The following RNF115 variants were observed in gnomAD, a reference collection of about 807,000 sequenced individuals.
RNF115 encodes the protein E3 ubiquitin-protein ligase RNF115.
Under a neutral mutation model 39.2 loss-of-function variants are expected in RNF115, and 31 were observed. That is an observed-to-expected ratio of 0.79 (90% confidence interval 0.59 to 1.07). RNF115 has a LOEUF of 1.07. Ranked by LOEUF, RNF115 falls within the 50% of genes least tolerant of loss-of-function variation. The pLI is 0.00. For synonymous variants in RNF115, 124 were observed against 131.0 expected (o/e 0.95, Z 0.37); for missense variants, 384 against 381.7 (o/e 1.01, Z -0.05).
intron 2 of RNF115, among the ~76,000 whole-genome samples, chr1:145,784,808 C>A (rs1320577924): frequency 6.6e-6 from 1 of 152,052 alleles, no homozygotes; most frequent in Non-Finnish European, 1.5e-5. Context: ...GTTTTCAAGG[C>A]TAAATCCAGT....
intron 4 of RNF115, among the ~76,000 whole-genome samples, chr1:145,760,755 G>A (rs1331677741): frequency 6.6e-6 from 1 of 152,098 alleles, no homozygotes; most frequent in Non-Finnish European, 1.5e-5. Context: ...CCAGGAGTGG[G>A]GCATTGCTGA....
chr1:145,771,869 A>G lies in RNF115; in HGVS notation c.270T>C (p.Phe90=). 2 of 1,614,118 alleles carry G rather than the reference A, an allele frequency of 1.2e-6. No individual in the cohort carries two copies. The highest frequency in any genetic ancestry group is 1.7e-6 in the Non-Finnish European group (2 of 1,180,006). The change falls in exon 4 of 9, where the codon TTT becomes TTC. Residue 90 remains phenylalanine, a synonymous_variant. Transcript: ENST00000582693. ...CTTGGTCCAGTGGACTGCTACTTAG[A>G]AAGGGTCTAAAATCTTGAAAAAACA... ...HTMFFQDFRP[F]LSSSPLDQDN... is the part of the protein sequence containing the mutation.
At chr1:145,816,459 G>C (rs1349318707) in intron 1 of RNF115, among the ~76,000 whole-genome samples, 1 of 76,822 alleles carries the variant, frequency 1.3e-5, no homozygotes, top group Non-Finnish European at 3.0e-5. Context: ...GCAGTAAGGA[G>C]TGTTATTCTG....
chr1:145,777,359 A>T (rs1647932528), intron 3 of RNF115, among the ~76,000 whole-genome samples: 1 of 152,176 alleles, frequency 6.6e-6, no homozygotes, highest in South Asian at 2.1e-4. Flanking sequence ...AAAATTTCTA[A>T]AGGATCCATG....
At chr1:145,779,957 G>A (rs1028118774) in intron 3 of RNF115, among the ~76,000 whole-genome samples, 1 of 151,636 alleles carries the variant, frequency 6.6e-6, no homozygotes, top group Non-Finnish European at 1.5e-5. Context: ...CCCAGGCACG[G>A]TGACTCAAGC....
At position 145,788,902 on chromosome 1, in the gene RNF115, C is replaced by T. The variant is rs1218215080; in HGVS notation, c.161+6G>A. Reference sequence around the variant, plus strand: ...TGTCTGATTTATTCATGAGCTTGTACAATACCTGGAATCATCTGTCACTTC... The same window carrying T: ...TGTCTGATTTATTCATGAGCTTGTATAATACCTGGAATCATCTGTCACTTC... On this transcript the variant is annotated splice_donor_region_variant and intron_variant, in intron 2 of 8. Coordinates refer to ENST00000582693, the MANE Select transcript of RNF115 (RefSeq NM_014455.4). 2 of 1,581,136 alleles carry T rather than the reference C, an allele frequency of 1.3e-6. No homozygotes were observed. The highest frequency in any genetic ancestry group is 2.7e-5 in the African/African-American group (2 of 74,292).
At chr1:145,808,462 T>C (rs782148706) in intron 1 of RNF115, among the ~76,000 whole-genome samples, 3 of 152,214 alleles carry the variant, frequency 2.0e-5, no homozygotes, top group East Asian at 3.8e-4. Flanking sequence ...CTGTTTCATA[T>C]ACCTGTTGGC....
intron 4 of RNF115, among the ~76,000 whole-genome samples, 158 bp downstream of exon 4, chr1:145,771,553 G>A (rs1647641089): frequency 6.6e-6 from 1 of 152,160 alleles, no homozygotes; most frequent in East Asian, 1.9e-4. Flanking sequence ...ATCATCGGGT[G>A]AGTACTAACA....
chr1:145,814,306 T>G (rs61816205), intron 1 of RNF115, among the ~76,000 whole-genome samples: 1 of 151,424 alleles, frequency 6.6e-6, no homozygotes, highest in East Asian at 1.9e-4. Context: ...AAATGTTCCC[T>G]GGGAAACAAA....
In RNF115 at chr1:145,749,410, C is replaced by T. The variant is rs587772185; in HGVS notation, c.667+997G>A. ...TCTTCACTTGGATTCTCAGCTGGCA[C>T]CTCAAAAATCAACAAATTAAAAAAT... On this transcript the variant is annotated intron_variant, in intron 7 of 8. Transcript: ENST00000582693. Among the ~76,000 whole-genome samples, 15 of 152,210 alleles carry T rather than the reference C, an allele frequency of 9.9e-5. No individual in the cohort carries two copies. The South Asian group carries it at 2.9e-3, about 29-fold the overall frequency.
chr1:145,767,933 G>T (rs1647440058), intron 4 of RNF115, among the ~76,000 whole-genome samples: 1 of 89,852 alleles, frequency 1.1e-5, no homozygotes, highest in East Asian at 3.2e-4. Flanking sequence ...GCACAGTCCA[G>T]CTTCGGCTCG....
chr1:145,740,104 TCTAA>T lies in RNF115; in HGVS notation c.*6758_*6761del, dbSNP rs1386855843. The stretch of plus-strand genomic sequence containing the variant: ...TGTTTTAAATAGTTAGTTCTGTGTT[TCTAA>T]CTAAATAATAAACTCACATAGGTAG... On this transcript the variant is annotated 3_prime_UTR_variant, in exon 9 of 9. Transcript: ENST00000582693. The T allele has an allele frequency of 1.3e-5, 2 of 152,224 alleles. No homozygotes were observed. The highest frequency in any genetic ancestry group is 3.8e-4 in the East Asian group (2 of 5,208). 9.4% of individuals were successfully genotyped at this position (152,224 alleles called of 1,614,324 possible).
Position 145,763,962 on chromosome 1 carries a change from G to A in RNF115, c.428+7749C>T, listed in dbSNP as rs587751441. Reference sequence around the variant, plus strand: ...CTTGCCATGGTCTCCCTCTGATGCCGAGCCGAAGCTGGACTGTACTGCTGC... The same window carrying A: ...CTTGCCATGGTCTCCCTCTGATGCCAAGCCGAAGCTGGACTGTACTGCTGC... On this transcript the variant is annotated intron_variant, in intron 4 of 8. Transcript: ENST00000582693. 1.1e-3 allele frequency among the ~76,000 whole-genome samples: 141 copies of A among 128,922 alleles called. 1 individual carries two copies. The highest frequency in any genetic ancestry group is 3.8e-3 in the African/African-American group (132 of 34,602). 84.6% of individuals were successfully genotyped at this position (128,922 alleles called of 152,430 possible).
chr1:145,760,976 G>C (rs1282662886), intron 4 of RNF115, among the ~76,000 whole-genome samples: 1 of 152,188 alleles, frequency 6.6e-6, no homozygotes, highest in African/African-American at 2.4e-5. Flanking sequence ...AACTTGTTGG[G>C]AACTGGAGCA....
At chr1:145,812,783 T>C (rs1187317706) in intron 1 of RNF115, among the ~76,000 whole-genome samples, 1 of 152,006 alleles carries the variant, frequency 6.6e-6, no homozygotes, top group Non-Finnish European at 1.5e-5. Context: ...CTCACTTCTA[T>C]CTTTTTTTAA....
In RNF115 at chr1:145,746,827, A is replaced by C. The variant is rs1553711798; in HGVS notation, c.*39T>G. 1 of 1,599,066 alleles carries C rather than the reference A, an allele frequency of 6.3e-7. No homozygotes were observed. The highest frequency in any genetic ancestry group is 2.2e-5 in the East Asian group (1 of 44,558). ...TGATACAATTTACAGCTATGGTAAGATGATTACCACAGCCCTGATTCAGGT... is the reference window on the plus strand; with the variant it reads ...TGATACAATTTACAGCTATGGTAAGCTGATTACCACAGCCCTGATTCAGGT... On this transcript the variant is annotated 3_prime_UTR_variant, in exon 9 of 9. Coordinates refer to ENST00000582693, the MANE Select transcript of RNF115 (RefSeq NM_014455.4).
intron 3 of RNF115, among the ~76,000 whole-genome samples, chr1:145,775,088 A>C (rs587690104): frequency 6.6e-6 from 1 of 152,242 alleles, no homozygotes; most frequent in East Asian, 1.9e-4. Context: ...CTCTACAAAA[A>C]ATTTAAACAT....
intron 1 of RNF115, among the ~76,000 whole-genome samples, chr1:145,795,596 C>T (rs1035130235): frequency 6.6e-6 from 1 of 152,130 alleles, no homozygotes. Flanking sequence ...CAAGTCCCCA[C>T]CCAATCCAGA....
intron 1 of RNF115, among the ~76,000 whole-genome samples, chr1:145,793,494 TCTCA>T (rs1394287348): frequency 6.6e-6 from 1 of 152,050 alleles, no homozygotes; most frequent in Non-Finnish European, 1.5e-5. Context: ...TCTCTCCCTC[TCTCA>T]CTCATTCCTA....
Sources: allele counts gnomAD v4.1 joint callset (sites outside exome capture counted in the v4.1 genomes callset), GRCh38; gene constraint gnomAD v4.1.1; transcripts MANE v1.5; gene names NCBI Gene and HGNC (gene_info 2026-07-23, HGNC 2026-07-21).